The following ATRX variants were observed in gnomAD, a reference collection of about 807,000 sequenced individuals.
The protein encoded by ATRX is chromatin remodeler ATRX.
ATRX carries 12 observed loss-of-function variants against 172.6 expected under a neutral mutation model. The observed-to-expected ratio is 0.07, with a 90% CI of 0.04 to 0.11. The LOEUF (loss-of-function observed/expected upper bound fraction) is 0.11. Among genes scored for constraint, ATRX ranks in the 10% least tolerant of loss-of-function variants. The probability of loss-of-function intolerance (pLI) is 1.00; values close to 1 mark genes in which losing one functional copy is unlikely to be tolerated. For missense variants in ATRX, 1,368 were observed against 1,767.4 expected (o/e 0.77, Z 4.05); for synonymous variants, 674 against 594.7 (o/e 1.13, Z -1.94).
intron 2 of ATRX, among the ~76,000 whole-genome samples, chrX:77,707,366 G>A (rs1464134232): frequency 8.9e-6 from 1 of 112,433 alleles, no homozygotes; most frequent in Admixed American, 9.4e-5. Flanking sequence ...CAATTTTTAT[G>A]TTATGCATAT....
rs2071726776 is a variant in ATRX at position 77,688,838 on chromosome X, A to G, written c.574T>C (p.Leu192=). 8.3e-7 allele frequency: 1 copy of G among 1,207,054 alleles called. No homozygotes were observed. The highest frequency in any genetic ancestry group is 1.7e-5 in the African/African-American group (1 of 57,782). Residue 192 remains leucine (L), a synonymous_variant, in exon 7 of 35, where the codon TTG becomes CTG. Coordinates refer to ENST00000373344, the MANE Select transcript of ATRX (RefSeq NM_000489.6). The part of the protein sequence containing the change: ...QKDSIYRHPS[L]QVLICKNCFK... ...CATACCTTACAAATAAGAACTTGCA[A>G]TGAAGGGTGTCTATAAATGGAATCT...
intron 28 of ATRX, among the ~76,000 whole-genome samples, chrX:77,573,643 A>T (rs1196284803): frequency 1.8e-5 from 2 of 111,442 alleles, no homozygotes; most frequent in Non-Finnish European, 3.8e-5. Flanking sequence ...GAGTAAAATA[A>T]TTTTTTTAAA....
chrX:77,512,195 C>T (rs1171043788), intron 34 of ATRX, among the ~76,000 whole-genome samples: 1 of 111,316 alleles, frequency 9.0e-6, no homozygotes, highest in Non-Finnish European at 1.9e-5. Flanking sequence ...GGTGAAGGAA[C>T]AAACAAACAA....
In ATRX at chrX:77,682,029, G is replaced by A. The variant is rs2148578626; in HGVS notation, c.3227C>T (p.Ser1076Phe). The A allele has an allele frequency of 8.3e-7, 1 of 1,210,616 alleles. No individual in the cohort carries two copies. The highest frequency in any genetic ancestry group is 1.1e-6 in the Non-Finnish European group (1 of 894,848). Residue 1076 changes from serine (S) to phenylalanine (F), a missense_variant, in exon 9 of 35, where the codon TCT becomes TTT. Physicochemically the swap from Ser to Phe is radical, Grantham distance 155. Around this residue, in one of 17 missense-constraint regions of ATRX, gnomAD observed 843 missense variants for 643.1 expected, o/e 1.31. Transcript: ENST00000373344. ...ATTCTTACTCTTTTTATCCTCTGAA[G>A]AGTCACAACTATCTCCTTTCCCTGT... ...KSTGKGDSCD[S>F]SEDKKSKNGA...
At chrX:77,586,970 G>A (rs782753416) in intron 27 of ATRX, among the ~76,000 whole-genome samples, 3 of 109,464 alleles carry the variant, frequency 2.7e-5, no homozygotes, top group Non-Finnish European at 3.8e-5. Flanking sequence ...CACAAGAATC[G>A]CTTGAACCCA....
chrX:77,593,628 A>G (rs1265440750), intron 26 of ATRX, 68 bp downstream of exon 26: 2 of 1,054,548 alleles, frequency 1.9e-6, no homozygotes, highest in African/African-American at 3.8e-5. Context: ...TTGTTCAAAT[A>G]CATTGTTTAA....
chrX:77,574,058 A>C (rs2065514900), intron 28 of ATRX, among the ~76,000 whole-genome samples, 192 bp downstream of exon 28: 1 of 111,363 alleles, frequency 9.0e-6, no homozygotes, highest in African/African-American at 3.3e-5. Flanking sequence ...AAGAAGTGAG[A>C]CTCAAAAGGC....
intron 34 of ATRX, among the ~76,000 whole-genome samples, chrX:77,511,693 T>G (rs1461148872): frequency 9.1e-6 from 1 of 110,078 alleles, no homozygotes; most frequent in Admixed American, 9.7e-5. Context: ...GTATTAAGAG[T>G]CTCTTAATAG....
chrX:77,713,100 G>T (rs1158907459), intron 2 of ATRX, among the ~76,000 whole-genome samples: 1 of 110,892 alleles, frequency 9.0e-6, no homozygotes, highest in Admixed American at 9.7e-5. Flanking sequence ...AGTGATCTGA[G>T]ATCACGCCAC....
At chrX:77,783,255 T>A (rs1434213700) in intron 1 of ATRX, among the ~76,000 whole-genome samples, 2 of 111,401 alleles carry the variant, frequency 1.8e-5, no homozygotes, top group East Asian at 2.8e-4. Context: ...ATTTAAAAAT[T>A]AAAAAATAAT....
rs1356091230 is a variant in ATRX at position 77,633,222 on chromosome X, C to T, written c.5119G>A (p.Ala1707Thr). The change falls in exon 19 of 35, where the codon GCT becomes ACT. Residue 1707 changes from alanine (A) to threonine (T), a missense_variant. Ala to Thr is a moderately conservative substitution (Grantham distance 58). Coordinates refer to ENST00000373344, the MANE Select transcript of ATRX (RefSeq NM_000489.6). ...SRKLKEIFNK[A>T]LVDPGPDFVV... The stretch of plus-strand genomic sequence containing the variant: ...AATACCTTACCTGGATCAACCAAAG[C>T]TTTGTTAAATATTTCTTTAAGTTTC... 1 of 1,208,945 alleles carries T rather than the reference C, an allele frequency of 8.3e-7. No individual in the cohort carries two copies. The highest frequency in any genetic ancestry group is 1.1e-6 in the Non-Finnish European group (1 of 894,311).
intron 2 of ATRX, among the ~76,000 whole-genome samples, chrX:77,715,257 T>C (rs1480024227): frequency 3.6e-5 from 4 of 112,268 alleles, no homozygotes; most frequent in Non-Finnish European, 7.5e-5. Context: ...GTATTTTTAC[T>C]GTACCTTTTC....
intron 1 of ATRX, among the ~76,000 whole-genome samples, chrX:77,743,263 T>G (rs1030465387): frequency 2.7e-5 from 3 of 110,924 alleles, no homozygotes; most frequent in Admixed American, 9.6e-5. Flanking sequence ...GACTGGGGCA[T>G]GAAAGGAACA....
At chrX:77,664,172 C>T (rs2070098031) in intron 11 of ATRX, among the ~76,000 whole-genome samples, 1 of 111,307 alleles carries the variant, frequency 9.0e-6, no homozygotes, top group African/African-American at 3.3e-5. Flanking sequence ...ATAATTATTA[C>T]AAGATATTCA....
intron 2 of ATRX, among the ~76,000 whole-genome samples, chrX:77,703,119 G>T (rs2072623553): frequency 8.9e-6 from 1 of 112,946 alleles, no homozygotes; most frequent in African/African-American, 3.2e-5. Flanking sequence ...ACCAGGCCAA[G>T]CCATAAGATT....
At chrX:77,740,636 C>T (rs2074820323) in intron 1 of ATRX, among the ~76,000 whole-genome samples, 1 of 109,697 alleles carries the variant, frequency 9.1e-6, no homozygotes, top group East Asian at 2.8e-4. Flanking sequence ...AATTCAGGGA[C>T]TCAGGACCAA....
chrX:77,776,655 A>G (rs782267382), intron 1 of ATRX, among the ~76,000 whole-genome samples: 2 of 112,395 alleles, frequency 1.8e-5, no homozygotes, highest in Non-Finnish European at 3.7e-5. Flanking sequence ...TAAATGTGGC[A>G]CTTTACTTTG....
intron 19 of ATRX, among the ~76,000 whole-genome samples, chrX:77,625,153 C>T (rs1182264451): frequency 8.9e-6 from 1 of 112,053 alleles, no homozygotes; most frequent in African/African-American, 3.2e-5. Context: ...AAAAGACACC[C>T]TTTTCAACAA....
Position 77,596,443 on chromosome X carries a change from A to G in ATRX, c.5957-2594T>C, listed in dbSNP as rs935833908. 4.4e-5 allele frequency: 3 copies of G among 67,686 alleles called. No individual in the cohort carries two copies. In the East Asian group the frequency reaches 1.3e-3, roughly 30 times the overall value. 5.6% of individuals were successfully genotyped at this position (67,686 alleles called of 1,213,427 possible). On this transcript the variant is annotated intron_variant, in intron 25 of 34. Transcript: ENST00000373344. The stretch of plus-strand genomic sequence containing the variant: ...TAATTTAGATGCAAAGAAAAAAATA[A>G]ATTTTTATTATCTATTAGTTCTGGA...
Sources: gnomAD v4.1 joint callset for allele counts (sites outside exome capture counted in the v4.1 genomes callset) on GRCh38, gnomAD v4.1.1 for gene constraint, gnomAD v4.1.1 regional missense constraint, MANE v1.5 for transcripts, NCBI Gene and HGNC (gene_info 2026-07-23, HGNC 2026-07-21) for gene names.